The following REXO2 variants were observed in gnomAD, a reference collection of about 807,000 sequenced individuals.
REXO2 encodes the protein RNA exonuclease 2.
In REXO2, 17 loss-of-function variants were observed where a neutral mutation model predicts 30.9. That is an observed-to-expected ratio of 0.55 (90% CI 0.38 to 0.82). The LOEUF is 0.82. REXO2 is among the 40% of genes least tolerant of loss of function. The pLI, the probability that REXO2 is intolerant of heterozygous loss-of-function variation, is 0.00. For missense variants in REXO2, 253 were observed against 293.2 expected (o/e 0.86, Z 1.00); for synonymous variants, 105 against 99.6 (o/e 1.05, Z -0.32).
chr11:114,444,207 G>C, intron 3 of REXO2: 2 of 609,470 alleles, frequency 3.3e-6, no homozygotes, highest in Non-Finnish European at 6.1e-6. Flanking sequence ...CAGTCTTTTG[G>C]ATAAGGTTAG....
chr11:114,449,737 T>G (rs1946533486), intron 6 of REXO2, 109 bp from the exon 7 acceptor site: 3 of 1,053,408 alleles, frequency 2.8e-6, no homozygotes, highest in Non-Finnish European at 4.1e-6. Flanking sequence ...CAGTGACACT[T>G]ACAGTAACAT....
intron 2 of REXO2, among the ~76,000 whole-genome samples, chr11:114,442,775 A>T (rs1245103940): frequency 6.6e-6 from 1 of 152,220 alleles, no homozygotes. Flanking sequence ...AGCTACTGTT[A>T]ACTGCCAGGA....
Position 114,439,632 on chromosome 11 carries a change from C to T in REXO2, c.104C>T (p.Ala35Val), listed in dbSNP as rs139711705. 6.3e-7 allele frequency: 1 copy of T among 1,597,800 alleles called. No homozygotes were observed. Residue 35 changes from alanine (A) to valine (V), a missense_variant, in exon 1 of 7, where the codon GCA becomes GTA. By Grantham distance (64) the Ala-to-Val change is moderately conservative. Coordinates refer to ENST00000265881, the MANE Select transcript of REXO2 (RefSeq NM_015523.4). ...CGCGAAGGTGGCGCAGCCATGGCGGCAGGGGAGAGCATGGCTCAGCGGATG... is the reference window on the plus strand; with the variant it reads ...CGCGAAGGTGGCGCAGCCATGGCGGTAGGGGAGAGCATGGCTCAGCGGATG... Reference protein sequence around the residue: ...GVREGGAAMAAGESMAQRMVW... With the variant: ...GVREGGAAMAVGESMAQRMVW...
intron 2 of REXO2, among the ~76,000 whole-genome samples, chr11:114,443,237 G>A (rs1477104702): frequency 1.3e-5 from 2 of 151,384 alleles, no homozygotes; most frequent in African/African-American, 2.4e-5. Flanking sequence ...CTCCTGAGAA[G>A]CTAGGACTGT....
chr11:114,442,090 A>T (rs1419341237), intron 2 of REXO2, among the ~76,000 whole-genome samples: 1 of 151,724 alleles, frequency 6.6e-6, no homozygotes, highest in East Asian at 1.9e-4. Context: ...AAATTTGGGT[A>T]TGTATTCACA....
At chr11:114,449,266 T>C (rs903185193) in intron 6 of REXO2, 14 of 152,428 alleles carry the variant, frequency 9.2e-5, no homozygotes, top group Admixed American at 7.2e-4. Flanking sequence ...ATGTTTATTA[T>C]GATGACTGAG....
rs958825257 is a variant in REXO2 at position 114,448,220 on chromosome 11, G to A, written c.584+341G>A. On this transcript the variant is annotated intron_variant, in intron 6 of 6. Coordinates refer to ENST00000265881, the MANE Select transcript of REXO2 (RefSeq NM_015523.4). ...GCCTTTTGAAATTAGAACACTTTTT[G>A]TGTGCAATTCTATAATACAGTTGCC... Among the ~76,000 whole-genome samples the A allele has an allele frequency of 9.2e-5, 14 of 152,244 alleles. 1 individual carries two copies. Among genetic ancestry groups the A allele is most frequent in the Middle Eastern group, 3.4e-3 (1 of 294 alleles).
Position 114,439,669 on chromosome 11 carries a change from C to T in REXO2, c.141C>T (p.Asp47=), listed in dbSNP as rs770222380. 3 of 1,533,278 alleles carry T rather than the reference C, an allele frequency of 2.0e-6. No individual in the cohort carries two copies. In the South Asian group the frequency reaches 3.7e-5, roughly 19 times the overall value. 95.0% of individuals were successfully genotyped at this position (1,533,278 alleles called of 1,614,324 possible). Residue 47 remains aspartate, a synonymous_variant, in exon 1 of 7, where the codon GAC becomes GAT. Coordinates refer to ENST00000265881, the MANE Select transcript of REXO2 (RefSeq NM_015523.4). ...ESMAQRMVWV[D]LEMTGLDIEK... ...TGGCTCAGCGGATGGTCTGGGTGGACCTGGAGGTGAGTGAGGTCGGCGGGG... is the reference window on the plus strand; with the variant it reads ...TGGCTCAGCGGATGGTCTGGGTGGATCTGGAGGTGAGTGAGGTCGGCGGGG...
In REXO2 at chr11:114,449,988, T is replaced by C; in HGVS notation, c.*13T>C. 1.3e-6 allele frequency: 2 copies of C among 1,586,016 alleles called. No homozygotes were observed. The highest frequency in any genetic ancestry group is 1.8e-5 in the Admixed American group (1 of 55,770). On this transcript the variant is annotated 3_prime_UTR_variant, in exon 7 of 7. Transcript: ENST00000265881. ...GACCGTGAGTTGATGCCAGTTATCA[T>C]GCTGCCACTACATCGTTATCTGGAG...
intron 4 of REXO2, among the ~76,000 whole-genome samples, chr11:114,444,908 A>G (rs1414451041): frequency 1.3e-5 from 2 of 152,212 alleles, no homozygotes; most frequent in Non-Finnish European, 2.9e-5. Context: ...TTTATGATGG[A>G]AAAATTTCAC....
rs1285359868 is a variant in REXO2, at chr11:114,439,554, G to A, written c.26G>A (p.Arg9Lys). ...ATGCTAGGCGGCTCCCTGGGCTCCA[G>A]GCTGTTGCGGGGTGTAGGTGGGAGT... MLGGSLGS[R>K]LLRGVGGSHG... is the part of the protein sequence containing the mutation. The change falls in exon 1 of 7, where the codon AGG becomes AAG. Residue 9 changes from arginine (R) to lysine (K), a missense_variant. By Grantham distance (26) the Arg-to-Lys change is conservative (BLOSUM62 2). Coordinates refer to ENST00000265881, the MANE Select transcript of REXO2 (RefSeq NM_015523.4). 1 of 1,609,086 alleles carries A rather than the reference G, an allele frequency of 6.2e-7. No individual in the cohort carries two copies. Among genetic ancestry groups the A allele is most frequent in the South Asian group, 1.1e-5 (1 of 90,988 alleles).
At chr11:114,447,721 A>G (rs1393522932) in intron 5 of REXO2, 105 bp from the exon 6 acceptor site, 3 of 892,680 alleles carry the variant, frequency 3.4e-6, no homozygotes, top group Admixed American at 2.6e-5. Flanking sequence ...CTTGAGAATC[A>G]TGACTCAAAT....
In REXO2 at chr11:114,450,148, A is replaced by G. The variant is rs1208380016; in HGVS notation, c.*173A>G. The G allele has an allele frequency of 1.9e-6, 1 of 516,188 alleles. No individual in the cohort carries two copies. Among genetic ancestry groups the G allele is most frequent in the East Asian group, 4.1e-5 (1 of 24,336 alleles). The allele number at this position is 516,188 out of a possible 1,614,324, so 32.0% of individuals were successfully genotyped here. On this transcript the variant is annotated 3_prime_UTR_variant, in exon 7 of 7. Transcript: ENST00000265881. ...TTTCTCCTAATATGCTGTTTCCATT[A>G]TGACACAGCAGCTCCTTTGTAAGTA...
chr11:114,448,045 T>C, intron 6 of REXO2, among the ~76,000 whole-genome samples, 166 bp downstream of exon 6: 1 of 152,204 alleles, frequency 6.6e-6, no homozygotes, highest in East Asian at 1.9e-4. Flanking sequence ...TGGTCAGGAT[T>C]CCAGTGTTCC....
chr11:114,440,788 A>G (rs768816166), intron 2 of REXO2, 49 bp downstream of exon 2: 11 of 1,327,064 alleles, frequency 8.3e-6, no homozygotes, highest in Non-Finnish European at 9.7e-6. Context: ...GGCACTGGAA[A>G]TATAACCATC....
At position 114,444,558 on chromosome 11, in the gene REXO2, A is replaced by G; in HGVS notation, c.327A>G (p.Ala109=). ...EHHGKSGLTK[A]VKESTITLQQ... is the part of the protein sequence containing the mutation. ...TCTTGCAGTCTGGCCTTACCAAGGC[A>G]GTGAAGGAGAGTACAATTACATTGC... Residue 109 remains alanine, a synonymous_variant, in exon 4 of 7, where the codon GCA becomes GCG. Transcript: ENST00000265881. 1 of 1,610,896 alleles carries G rather than the reference A, an allele frequency of 6.2e-7. No homozygotes were observed. Among genetic ancestry groups the G allele is most frequent in the Non-Finnish European group, 8.5e-7 (1 of 1,179,140 alleles).
Position 114,446,105 on chromosome 11 carries a change from G to A in REXO2, c.530+18G>A. 7 of 1,324,544 alleles carry A rather than the reference G, an allele frequency of 5.3e-6. No homozygotes were observed. The highest frequency in any genetic ancestry group is 7.4e-6 in the Non-Finnish European group (7 of 944,418). 82.0% of individuals were successfully genotyped at this position (1,324,544 alleles called of 1,614,324 possible). On this transcript the variant is annotated intron_variant, in intron 5 of 6. Coordinates refer to ENST00000265881, the MANE Select transcript of REXO2 (RefSeq NM_015523.4). Reference sequence around the variant, plus strand: ...CTGTGCAGGTAAGGGCTATATTTAGGATCCATTAAATTACCTCATTTAGCA... The same window carrying A: ...CTGTGCAGGTAAGGGCTATATTTAGAATCCATTAAATTACCTCATTTAGCA...
intron 5 of REXO2, 75 bp from the exon 6 acceptor site, chr11:114,447,751 G>A: frequency 8.0e-7 from 1 of 1,251,500 alleles, no homozygotes; most frequent in South Asian, 1.4e-5. Flanking sequence ...AATGTTAATG[G>A]ATTACTTGAA....
chr11:114,447,629 C>T (rs1380655252), intron 5 of REXO2, among the ~76,000 whole-genome samples, 197 bp from the exon 6 acceptor site: 2 of 152,006 alleles, frequency 1.3e-5, no homozygotes, highest in Non-Finnish European at 2.9e-5. Context: ...AGCAATCTTA[C>T]ACACTGATGA....
Sources: gnomAD v4.1 joint callset for allele counts (sites outside exome capture counted in the v4.1 genomes callset) on GRCh38, gnomAD v4.1.1 for gene constraint, MANE v1.5 for transcripts, NCBI Gene and HGNC (gene_info 2026-07-23, HGNC 2026-07-21) for gene names.